The following ANKRD18A variants were observed in gnomAD, a reference collection of about 807,000 sequenced individuals.
ANKRD18A encodes the protein ankyrin repeat domain-containing protein 18A.
In ANKRD18A, 72 loss-of-function variants were observed where a neutral mutation model predicts 110.6. The observed-to-expected ratio is 0.65, with a 90% CI of 0.54 to 0.79. ANKRD18A has a LOEUF of 0.79. Ranked by LOEUF, ANKRD18A falls within the 30% of genes least tolerant of loss-of-function variation. The pLI, the probability that ANKRD18A is intolerant of heterozygous loss-of-function variation, is 0.00. For synonymous variants in ANKRD18A, 305 were observed against 410.3 expected, an observed-to-expected ratio of 0.74 and a Z score of 3.10; for missense variants, 934 against 1,163.3, an observed-to-expected ratio of 0.80 and a Z score of 2.87.
At chr9:38,572,232 A>T (rs778334308) in intron 15 of ANKRD18A, 173 bp from the exon 16 acceptor site, 25 of 473,394 alleles carry the variant, frequency 5.3e-5, no homozygotes, top group Non-Finnish European at 9.3e-5. Flanking sequence ...CGTTAATTCC[A>T]ATTGTGGTTA....
intron 5 of ANKRD18A, among the ~76,000 whole-genome samples, chr9:38,607,969 AT>A (rs954449395): frequency 2.0e-5 from 3 of 152,236 alleles, no homozygotes; most frequent in Non-Finnish European, 4.4e-5. Flanking sequence ...TGCTGAAACC[AT>A]TTTGGAATCT....
At chr9:38,600,737 A>ATGTTG (rs1825085505) in intron 8 of ANKRD18A, among the ~76,000 whole-genome samples, 1 of 152,200 alleles carries the variant, frequency 6.6e-6, no homozygotes, top group South Asian at 2.1e-4. Flanking sequence ...TTGCAGTTTG[A>ATGTTG]ACCACCGGGA....
At chr9:38,608,510 A>G (rs924719584) in intron 5 of ANKRD18A, among the ~76,000 whole-genome samples, 2 of 148,658 alleles carry the variant, frequency 1.3e-5, no homozygotes, top group Non-Finnish European at 3.0e-5. Context: ...AATGATTTTC[A>G]TTATGAGATT....
chr9:38,595,138 A>C (rs190591506), intron 9 of ANKRD18A, among the ~76,000 whole-genome samples: 1 of 152,260 alleles, frequency 6.6e-6, no homozygotes. Flanking sequence ...TTGAAATATG[A>C]TTTATAGAAT....
chr9:38,597,991 C>T (rs1003706517), intron 8 of ANKRD18A, among the ~76,000 whole-genome samples: 2 of 152,056 alleles, frequency 1.3e-5, no homozygotes, highest in Admixed American at 6.6e-5. Flanking sequence ...TTTAAAGTGG[C>T]CATGATGGAA....
intron 8 of ANKRD18A, 63 bp from the exon 9 acceptor site, chr9:38,596,466 T>C (rs1824887245): frequency 7.7e-7 from 1 of 1,300,710 alleles, no homozygotes; most frequent in African/African-American, 1.5e-5. Flanking sequence ...TGGTTATTTC[T>C]GAAGTGAAAG....
chr9:38,599,439 A>C (rs979684583), intron 8 of ANKRD18A, among the ~76,000 whole-genome samples: 1 of 151,854 alleles, frequency 6.6e-6, no homozygotes, highest in African/African-American at 2.4e-5. Context: ...AACTTTCACC[A>C]ATCTTCAGTT....
downstream of ANKRD18A, chr9:38,569,518 A>G (rs1823562083): frequency 1.1e-6 from 1 of 912,378 alleles, no homozygotes; most frequent in Non-Finnish European, 1.3e-6. Context: ...CACAGAGGCG[A>G]TGGGGACTCA....
chr9:38,607,126 G>A (rs1825396017), intron 6 of ANKRD18A, among the ~76,000 whole-genome samples: 1 of 151,952 alleles, frequency 6.6e-6, no homozygotes, highest in South Asian at 2.1e-4. Flanking sequence ...GTGCAATCTC[G>A]GCTCACTGCA....
intron 1 of ANKRD18A, among the ~76,000 whole-genome samples, chr9:38,617,250 G>A (rs925810565): frequency 2.0e-5 from 3 of 152,134 alleles, no homozygotes; most frequent in African/African-American, 7.2e-5. Context: ...GACCAGCCTG[G>A]CCAACATAGT....
At chr9:38,591,140 T>G (rs1200171592) in intron 10 of ANKRD18A, among the ~76,000 whole-genome samples, 1 of 151,906 alleles carries the variant, frequency 6.6e-6, no homozygotes, top group Non-Finnish European at 1.5e-5. Context: ...TAATTTTTTT[T>G]TTTTTTTTGG....
rs774737681 is a variant in ANKRD18A at position 38,593,891 on chromosome 9, G to C, written c.1873C>G (p.Gln625Glu). The C allele has an allele frequency of 5.4e-6, 8 of 1,485,264 alleles. No individual in the cohort carries two copies. In the South Asian group the frequency reaches 1.2e-4, roughly 22 times the overall value. 92.0% of individuals were successfully genotyped at this position (1,485,264 alleles called of 1,614,324 possible). A position where few individuals can be genotyped will look rare whatever the true frequency, so the allele number is the denominator to read the frequency against. Residue 625 changes from glutamine to glutamate, a missense_variant, in exon 10 of 16, where the codon CAA becomes GAA. By Grantham distance (29) the Gln-to-Glu change is conservative. Coordinates refer to ENST00000399703, the MANE Select transcript of ANKRD18A (RefSeq NM_147195.4). ...AEREVIVREF[Q>E]EELVDHLKTF... is the part of the protein sequence containing the mutation. ...TTAAGGTGATCGACCAGTTCTTCTTGAAATTCTCTCACAATCACCTGACAA... is the reference window on the plus strand; with the variant it reads ...TTAAGGTGATCGACCAGTTCTTCTTCAAATTCTCTCACAATCACCTGACAA...
At chr9:38,582,398 T>C (rs1007448214) in intron 12 of ANKRD18A, among the ~76,000 whole-genome samples, 1 of 151,436 alleles carries the variant, frequency 6.6e-6, no homozygotes, top group Non-Finnish European at 1.5e-5. Flanking sequence ...GTTAAAGATA[T>C]TCTACTACAT....
chr9:38,593,240 C>T (rs1366948151), intron 10 of ANKRD18A, among the ~76,000 whole-genome samples: 3 of 152,176 alleles, frequency 2.0e-5, no homozygotes, highest in East Asian at 3.8e-4. Context: ...AAGATGAAGG[C>T]AATGCCTAAC....
intron 15 of ANKRD18A, chr9:38,572,488 T>A (rs1303522863): frequency 6.5e-6 from 1 of 154,714 alleles, no homozygotes; most frequent in Non-Finnish European, 1.4e-5. Flanking sequence ...TATCATGGGC[T>A]TTCTGGTGGA....
chr9:38,614,715 G>T (rs1028238378), intron 3 of ANKRD18A, among the ~76,000 whole-genome samples: 1 of 152,100 alleles, frequency 6.6e-6, no homozygotes, highest in African/African-American at 2.4e-5. Flanking sequence ...ATTTTCCTGG[G>T]TGTGGGTATA....
chr9:38,619,611 A>G (rs1563981691), intron 1 of ANKRD18A, among the ~76,000 whole-genome samples: 1 of 152,198 alleles, frequency 6.6e-6, no homozygotes. Flanking sequence ...TAAAACTGAT[A>G]AACATGGAAA....
At chr9:38,612,521 C>CTTTTTTTTTTTT (rs767816627) in intron 3 of ANKRD18A, among the ~76,000 whole-genome samples, 2 of 124,312 alleles carry the variant, frequency 1.6e-5, no homozygotes, top group African/African-American at 3.3e-5. Context: ...TTTTCTTTTT[C>CTTTTTTTTTTTT]TTTTTTTTTT....
chr9:38,607,770 C>T lies in ANKRD18A; in HGVS notation c.741-277G>A, dbSNP rs552452240. 1.2e-4 allele frequency among the ~76,000 whole-genome samples: 19 copies of T among 152,328 alleles called. No individual in the cohort carries two copies. The South Asian group carries it at 2.5e-3, about 20-fold the overall frequency. ...AAACTGTCCTGCATTCACAGTAAGT[C>T]CTCGCTCTGTAACCAATAGGTATTT... On this transcript the variant is annotated intron_variant, in intron 5 of 15. Transcript: ENST00000399703.
Sources: allele counts gnomAD v4.1 joint callset (sites outside exome capture counted in the v4.1 genomes callset), GRCh38; gene constraint gnomAD v4.1.1; transcripts MANE v1.5; gene names NCBI Gene and HGNC (gene_info 2026-07-23, HGNC 2026-07-21).